PCDHGA3: variants seen among roughly 807,000 people sequenced by gnomAD.
PCDHGA3 encodes protocadherin gamma subfamily A, 3, also known as protocadherin gamma-A3.
A neutral mutation model predicts 58.5 loss-of-function variants in PCDHGA3; 40 were observed. That is an observed-to-expected ratio of 0.68 (90% confidence interval 0.53 to 0.89). The LOEUF (loss-of-function observed/expected upper bound fraction) is 0.89, where lower values mean the gene tolerates loss of function less well. PCDHGA3 is among the 40% of genes least tolerant of loss of function. The pLI, the probability that PCDHGA3 is intolerant of heterozygous loss-of-function variation, is 0.00. For synonymous variants in PCDHGA3, 530 were observed against 525.7 expected (o/e 1.01, Z -0.11); for missense variants, 1,223 against 1,195.9 (o/e 1.02, Z -0.33).
rs932721053 is a variant in PCDHGA3 at position 141,398,645 on chromosome 5, C to G, written c.2424+52188C>G. 1.3e-5 allele frequency: 21 copies of G among 1,613,938 alleles called. No homozygotes were observed. In the Admixed American group the frequency reaches 3.3e-4, roughly 26 times the overall value. The stretch of plus-strand genomic sequence containing the variant: ...AACTCTCTGCAGAAGTATAAACTCT[C>G]TCTTAACCCAAGTTTCTCATTAATA... On this transcript the variant is annotated intron_variant, in intron 1 of 3. Coordinates refer to ENST00000253812, the MANE Select transcript of PCDHGA3 (RefSeq NM_018916.4).
intron 1 of PCDHGA3, chr5:141,440,087 A>C (rs1014881024): frequency 6.6e-6 from 1 of 152,316 alleles, no homozygotes; most frequent in African/African-American, 2.4e-5. Context: ...CTTCATTCTA[A>C]GTGGGGAAAG....
At chr5:141,405,767 T>C (rs957910070) in intron 1 of PCDHGA3, among the ~76,000 whole-genome samples, 2 of 152,128 alleles carry the variant, frequency 1.3e-5, no homozygotes, top group African/African-American at 4.8e-5. Flanking sequence ...CGTGAGCCAC[T>C]GCGCCTGGCC....
At chr5:141,467,005 G>A (rs1365805332) in intron 1 of PCDHGA3, among the ~76,000 whole-genome samples, 3 of 150,724 alleles carry the variant, frequency 2.0e-5, no homozygotes, top group Non-Finnish European at 4.4e-5. Flanking sequence ...TTTTTGCAAT[G>A]CAATTTTTTT....
chr5:141,441,838 C>T, intron 1 of PCDHGA3: 4 of 355,582 alleles, frequency 1.1e-5, no homozygotes, highest in South Asian at 9.6e-5. Flanking sequence ...TGGCTTCGCG[C>T]TCTTGGATAT....
chr5:141,407,088 GT>G lies in PCDHGA3; in HGVS notation c.2424+60635del, dbSNP rs571130014. Among the ~76,000 whole-genome samples, 18 of 152,174 alleles carry G rather than the reference GT, an allele frequency of 1.2e-4. No individual in the cohort carries two copies. The East Asian group carries it at 3.5e-3, about 29-fold the overall frequency. On this transcript the variant is annotated intron_variant, in intron 1 of 3. Coordinates refer to ENST00000253812, the MANE Select transcript of PCDHGA3 (RefSeq NM_018916.4). ...GGCATTTCTGTGGAAATGAAGAATT[GT>G]TTTATTTGTTTGTAATTATTTGGGT...
rs1412265811 is a variant in PCDHGA3, at chr5:141,461,565, A to G, written c.2425-33242A>G. Among the ~76,000 whole-genome samples the G allele has an allele frequency of 2.6e-5, 4 of 152,178 alleles. No individual in the cohort carries two copies. The East Asian group carries it at 7.7e-4, about 29-fold the overall frequency. On this transcript the variant is annotated intron_variant, in intron 1 of 3. Coordinates refer to ENST00000253812, the MANE Select transcript of PCDHGA3 (RefSeq NM_018916.4). ...CCTTTGTCAGATGTGTACTTTGCAA[A>G]GATAATATTTTGGATGTTATATTTC...
intron 1 of PCDHGA3, chr5:141,424,500 G>A (rs2154550788): frequency 6.6e-6 from 1 of 152,208 alleles, no homozygotes; most frequent in African/African-American, 2.4e-5. Flanking sequence ...TGTATGTATG[G>A]AAGGTTTTTT....
chr5:141,470,825 C>T (rs557419577), intron 1 of PCDHGA3, among the ~76,000 whole-genome samples: 5 of 152,064 alleles, frequency 3.3e-5, no homozygotes, highest in Admixed American at 1.3e-4. Context: ...GTAGTTAGGA[C>T]GACAAACACA....
intron 1 of PCDHGA3, among the ~76,000 whole-genome samples, chr5:141,455,322 G>A (rs376682363): frequency 1.3e-5 from 2 of 152,134 alleles, no homozygotes; most frequent in East Asian, 3.9e-4. Context: ...TTTTGTGTGT[G>A]TGTTTGTGGT....
intron 1 of PCDHGA3, chr5:141,372,058 G>A (rs769464516): frequency 6.2e-7 from 1 of 1,613,554 alleles, no homozygotes; most frequent in South Asian, 1.1e-5. Flanking sequence ...GTGGACGACC[G>A]CAACGACAAT....
intron 1 of PCDHGA3, among the ~76,000 whole-genome samples, chr5:141,449,560 GC>G (rs1487612909): frequency 6.9e-6 from 1 of 145,056 alleles, no homozygotes; most frequent in Non-Finnish European, 1.5e-5. Flanking sequence ...CTGCACTCCA[GC>G]CTGGGCGACA....
chr5:141,357,140 A>G (rs1240951926), intron 1 of PCDHGA3: 6 of 1,613,556 alleles, frequency 3.7e-6, no homozygotes, highest in Non-Finnish European at 5.1e-6. Flanking sequence ...GTGGTCGTCC[A>G]GGACCATGGC....
chr5:141,349,323 G>A (rs1758275565), intron 1 of PCDHGA3, among the ~76,000 whole-genome samples: 1 of 152,058 alleles, frequency 6.6e-6, no homozygotes, highest in Non-Finnish European at 1.5e-5. Context: ...TCCCACCTTG[G>A]CCTCCCAAAG....
At chr5:141,398,850 A>G in intron 1 of PCDHGA3, 20 of 1,613,982 alleles carry the variant, frequency 1.2e-5, no homozygotes, top group Non-Finnish European at 1.6e-5. Flanking sequence ...ATCCCCCGGT[A>G]TTCAACCGAG....
chr5:141,413,914 A>G (rs776089620), intron 1 of PCDHGA3: 13 of 1,613,234 alleles, frequency 8.1e-6, no homozygotes. Flanking sequence ...GCCGGTCTTC[A>G]CCTTGCCAGA....
chr5:141,395,332 AT>A (rs2093216099), intron 1 of PCDHGA3: 2 of 1,450,272 alleles, frequency 1.4e-6, no homozygotes, highest in Non-Finnish European at 9.2e-7. Flanking sequence ...GTTGAAAATA[AT>A]TTTTAAGGTG....
rs1246198657 is a variant in PCDHGA3 at position 141,505,401 on chromosome 5, A to T, written c.2492A>T (p.Asn831Ile). The change falls in exon 3 of 4, where the codon AAT (asparagine) becomes ATT (isoleucine). Residue 831 changes from asparagine (N) to isoleucine (I), a missense_variant. By Grantham distance (149) the Asn-to-Ile change is moderately radical (BLOSUM62 -3). Around this residue, in one of 3 missense-constraint regions of PCDHGA3, gnomAD observed 325 missense variants for 327.5 expected, o/e 0.99. Transcript: ENST00000253812. Reference protein sequence around the residue: ...AQRPGTSGSQNGDDTGTWPNN... With the variant: ...AQRPGTSGSQIGDDTGTWPNN... ...TCCTACTCTCTCCCCAGCTCCCAAA[A>T]TGGCGATGACACCGGCACCTGGCCC... is the stretch of plus-strand genomic sequence containing the variant. The T allele has an allele frequency of 6.2e-7, 1 of 1,614,058 alleles. No individual in the cohort carries two copies. Among genetic ancestry groups the T allele is most frequent in the African/African-American group, 1.3e-5 (1 of 74,922 alleles).
rs747513122 is a variant in PCDHGA3, at chr5:141,361,367, A to G, written c.2424+14910A>G. The stretch of plus-strand genomic sequence containing the variant: ...AAACTAGTGACAGACGGCGCTCTGG[A>G]CCGGGAGGAGATCCCAGAATACAAT... On this transcript the variant is annotated intron_variant, in intron 1 of 3. Transcript: ENST00000253812. 8 of 1,613,876 alleles carry G rather than the reference A, an allele frequency of 5.0e-6. No individual in the cohort carries two copies. In the Admixed American group the frequency reaches 1.3e-4, roughly 27 times the overall value.
rs368585389 is a variant in PCDHGA3, at chr5:141,419,428, G to A, written c.2424+72971G>A. On this transcript the variant is annotated intron_variant, in intron 1 of 3. Coordinates refer to ENST00000253812, the MANE Select transcript of PCDHGA3 (RefSeq NM_018916.4). ...TCGCGCAGCGCGCCTTCGACCACGAGCAGCTGCGCACCTTCGAGCTCACGC... is the reference window on the plus strand; with the variant it reads ...TCGCGCAGCGCGCCTTCGACCACGAACAGCTGCGCACCTTCGAGCTCACGC... 4 of 1,613,192 alleles carry A rather than the reference G, an allele frequency of 2.5e-6. No individual in the cohort carries two copies. In the African/African-American group the frequency reaches 4.0e-5, roughly 16 times the overall value.
Sources: gnomAD v4.1 joint callset for allele counts (sites outside exome capture counted in the v4.1 genomes callset) on GRCh38, gnomAD v4.1.1 for gene constraint, gnomAD v4.1.1 regional missense constraint, MANE v1.5 for transcripts, NCBI Gene and HGNC (gene_info 2026-07-23, HGNC 2026-07-21) for gene names.